The following ZNF713 variants were observed in gnomAD, a reference collection of about 807,000 sequenced individuals.
ZNF713 encodes zinc finger protein 713.
In ZNF713, 21 loss-of-function variants were observed where a neutral mutation model predicts 28.7. The ratio of observed to expected loss-of-function variants is 0.73; its 90% confidence interval spans 0.52 to 1.05. ZNF713 has a LOEUF of 1.05. ZNF713 is among the 50% of genes least tolerant of loss of function. ZNF713 has a pLI of 0.00. For synonymous variants in ZNF713, 167 were observed against 178.0 expected, an observed-to-expected ratio of 0.94 and a Z score of 0.49; for missense variants, 458 against 532.4, an observed-to-expected ratio of 0.86 and a Z score of 1.37.
At chr7:55,909,156 G>A (rs1020064802) in intron 2 of ZNF713, among the ~76,000 whole-genome samples, 2 of 134,902 alleles carry the variant, frequency 1.5e-5, no homozygotes, top group Non-Finnish European at 3.0e-5. Context: ...CCGAGATCAC[G>A]CCACTGCACT....
intron 4 of ZNF713, among the ~76,000 whole-genome samples, chr7:55,916,101 A>C (rs1394309125): frequency 6.6e-6 from 1 of 152,200 alleles, no homozygotes; most frequent in Non-Finnish European, 1.5e-5. Flanking sequence ...AAAGAGTGGA[A>C]CCCAGGAAAT....
At chr7:55,902,949 C>T (rs1785603952) in intron 1 of ZNF713, among the ~76,000 whole-genome samples, 1 of 146,472 alleles carries the variant, frequency 6.8e-6, no homozygotes, top group Non-Finnish European at 1.5e-5. Flanking sequence ...GCCGAGACCT[C>T]ACCATTGCAC....
chr7:55,901,956 C>T (rs1225183335), intron 1 of ZNF713, among the ~76,000 whole-genome samples: 5 of 152,170 alleles, frequency 3.3e-5, no homozygotes, highest in African/African-American at 9.7e-5. Flanking sequence ...CTTTGGGAGG[C>T]CAAGGCAGGC....
intron 4 of ZNF713, 59 bp downstream of exon 4, chr7:55,912,782 A>G: frequency 7.0e-6 from 10 of 1,421,086 alleles, no homozygotes; most frequent in Non-Finnish European, 9.9e-6. Flanking sequence ...GGGCACTTTT[A>G]CTTTTTCATT....
chr7:55,935,368 C>CTATA (rs148739700), intron 6 of ZNF713, among the ~76,000 whole-genome samples: 242 of 150,468 alleles, frequency 1.6e-3, no homozygotes, highest in African/African-American at 5.8e-3. Flanking sequence ...TGAAGTAGAC[C>CTATA]TATATATATA....
chr7:55,923,413 GGAGTCAAA>G, intron 5 of ZNF713, 125 bp downstream of exon 5: 9 of 1,340,234 alleles, frequency 6.7e-6, no homozygotes, highest in Non-Finnish European at 9.2e-6. Context: ...AATCAGTTTT[GGAGTCAAA>G]GACCTTTGTT....
chr7:55,892,892 G>A (rs1302001037), intron 1 of ZNF713, among the ~76,000 whole-genome samples: 1 of 148,882 alleles, frequency 6.7e-6, no homozygotes, highest in East Asian at 2.0e-4. Flanking sequence ...AAAAAAAGGC[G>A]GAGTAATAGG....
chr7:55,930,221 A>C (rs1235379453), intron 6 of ZNF713, among the ~76,000 whole-genome samples: 1 of 152,186 alleles, frequency 6.6e-6, no homozygotes, highest in Non-Finnish European at 1.5e-5. Context: ...AATCTCAGTC[A>C]TAATAAGAGA....
chr7:55,924,980 T>C (rs1393997460), intron 6 of ZNF713: 2 of 151,902 alleles, frequency 1.3e-5, no homozygotes, highest in African/African-American at 4.8e-5. Flanking sequence ...CTCTCTTCTT[T>C]AAAGCATTCC....
intron 1 of ZNF713, among the ~76,000 whole-genome samples, chr7:55,905,832 G>A (rs753481059): frequency 1.3e-5 from 2 of 151,940 alleles, no homozygotes; most frequent in African/African-American, 2.4e-5. Flanking sequence ...GGCTGGGCGC[G>A]GTGGCTCATG....
In ZNF713 at chr7:55,923,683, G is replaced by C. The variant is rs756204336; in HGVS notation, c.291G>C (p.Leu97=). Residue 97 remains leucine, a synonymous_variant, in exon 6 of 7, where the codon CTG becomes CTC. Transcript: ENST00000429591. ...AATGGGTGATAGAAAGAGACAGCCT[G>C]CTGGATACTCATCCAGGTAAGTGCA... ...EEEWVIERDS[L]LDTHPDGENR... 2.5e-6 allele frequency: 4 copies of C among 1,612,042 alleles called. No homozygotes were observed. The Admixed American group carries it at 6.7e-5, about 27-fold the overall frequency.
intron 2 of ZNF713, among the ~76,000 whole-genome samples, chr7:55,908,726 T>G (rs1205005290): frequency 6.6e-6 from 1 of 152,170 alleles, no homozygotes; most frequent in African/African-American, 2.4e-5. Flanking sequence ...TGCAGAAACT[T>G]CTTAAGTCCC....
At chr7:55,903,045 T>C (rs1274230171) in intron 1 of ZNF713, among the ~76,000 whole-genome samples, 1 of 151,202 alleles carries the variant, frequency 6.6e-6, no homozygotes, top group Non-Finnish European at 1.5e-5. Flanking sequence ...TTGAGCATTG[T>C]ACTGTGGTTT....
intron 6 of ZNF713, among the ~76,000 whole-genome samples, chr7:55,936,594 T>C (rs1242549378): frequency 3.3e-5 from 5 of 152,170 alleles, no homozygotes; most frequent in Non-Finnish European, 7.3e-5. Flanking sequence ...ACCTCATGTC[T>C]AAGAATGCTG....
At chr7:55,914,924 G>A (rs112162491) in intron 4 of ZNF713, among the ~76,000 whole-genome samples, 5 of 152,190 alleles carry the variant, frequency 3.3e-5, no homozygotes, top group African/African-American at 7.2e-5. Flanking sequence ...GCACAATCTC[G>A]GCTCACTACA....
intron 1 of ZNF713, among the ~76,000 whole-genome samples, chr7:55,899,093 C>T (rs1331042596): frequency 6.6e-6 from 1 of 152,126 alleles, no homozygotes; most frequent in Non-Finnish European, 1.5e-5. Context: ...GTGGTTCATG[C>T]CTGTAATCCC....
chr7:55,906,770 A>G (rs1454246196), intron 2 of ZNF713, among the ~76,000 whole-genome samples: 1 of 152,166 alleles, frequency 6.6e-6, no homozygotes, highest in Non-Finnish European at 1.5e-5. Context: ...CCTCTCGTAA[A>G]TATCTAGGAA....
intron 1 of ZNF713, among the ~76,000 whole-genome samples, chr7:55,893,096 G>C (rs1785418925): frequency 6.6e-6 from 1 of 151,794 alleles, no homozygotes; most frequent in South Asian, 2.1e-4. Flanking sequence ...TGTTAGCCAG[G>C]ATGGTCTTGA....
At position 55,932,676 on chromosome 7, in the gene ZNF713, A is replaced by G. The variant is rs371861540; in HGVS notation, c.308-6306A>G. Among the ~76,000 whole-genome samples, 502 of 150,468 alleles carry G rather than the reference A, an allele frequency of 3.3e-3. 2 individuals are homozygous for G. The highest frequency in any genetic ancestry group is 0.012 in the African/African-American group (486 of 40,934). ...GAGGCGGGTGGATCATGAGGTCAGG[A>G]GATCGAGACCATCCTGGCTAACAAG... On this transcript the variant is annotated intron_variant, in intron 6 of 6. Coordinates refer to ENST00000429591, the MANE Select transcript of ZNF713 (RefSeq NM_182633.3).
Sources: allele counts gnomAD v4.1 joint callset (sites outside exome capture counted in the v4.1 genomes callset), GRCh38; gene constraint gnomAD v4.1.1; transcripts MANE v1.5; gene names NCBI Gene and HGNC (gene_info 2026-07-23, HGNC 2026-07-21).